MAGEC3: variants seen among roughly 807,000 people sequenced by gnomAD.
MAGEC3 encodes melanoma-associated antigen C3.
In MAGEC3, 34 loss-of-function variants were observed where a neutral mutation model predicts 35.3. The observed-to-expected ratio is 0.96, with a 90% confidence interval of 0.73 to 1.28. MAGEC3 has a LOEUF of 1.28. MAGEC3 is among the 50% of genes most tolerant of loss of function. The pLI, the probability that MAGEC3 is intolerant of heterozygous loss-of-function variation, is 0.00. For missense variants in MAGEC3, 561 were observed against 483.6 expected (o/e 1.16, Z -1.50); for synonymous variants, 202 against 185.6 (o/e 1.09, Z -0.72).
intron 1 of MAGEC3, among the ~76,000 whole-genome samples, chrX:141,850,145 T>G (rs191266988): frequency 1.8e-5 from 2 of 111,210 alleles, no homozygotes; most frequent in African/African-American, 6.5e-5. Context: ...TACCACATGT[T>G]CTCACTTTTA....
chrX:141,896,816 C>T (rs1325519161), intron 6 of MAGEC3, 66 bp from the exon 7 acceptor site: 1 of 1,205,421 alleles, frequency 8.3e-7, no homozygotes, highest in Admixed American at 2.2e-5. Flanking sequence ...CCCTCCTCCT[C>T]TTCCTTGTCC....
At chrX:141,892,866 A>T in intron 4 of MAGEC3, among the ~76,000 whole-genome samples, 1 of 112,093 alleles carries the variant, frequency 8.9e-6, no homozygotes. Flanking sequence ...AAAACTAAAA[A>T]CTTTTGCTCT....
chrX:141,866,687 G>A (rs2017851163), intron 2 of MAGEC3, among the ~76,000 whole-genome samples: 1 of 112,238 alleles, frequency 8.9e-6, no homozygotes, highest in Non-Finnish European at 1.9e-5. Context: ...ACCACTAGGG[G>A]ATTTCATAAG....
At position 141,881,576 on chromosome X, in the gene MAGEC3, G is replaced by C. The variant is rs780534002; in HGVS notation, c.689G>C (p.Arg230Pro). The change falls in exon 4 of 8, where the codon CGT becomes CCT. Residue 230 changes from arginine to proline, a missense_variant. Coordinates refer to ENST00000298296, the MANE Select transcript of MAGEC3 (RefSeq NM_138702.1). Reference sequence around the variant, plus strand: ...TTTCCTATGATCTTCAGGAAAGCCCGTGAGTTCATAGAGATTCTTTTTGGC... The same window carrying C: ...TTTCCTATGATCTTCAGGAAAGCCCCTGAGTTCATAGAGATTCTTTTTGGC... ...GYFPMIFRKA[R>P]EFIEILFGIS... 5 of 1,210,955 alleles carry C rather than the reference G, an allele frequency of 4.1e-6. No homozygotes were observed. Among genetic ancestry groups the C allele is most frequent in the South Asian group, 1.8e-5 (1 of 56,870 alleles).
In MAGEC3 at chrX:141,897,707, T is replaced by G; in HGVS notation, c.1807T>G (p.Trp603Gly). Reference sequence around the variant, plus strand: ...TATCATCCCTAGTGCCTTTCCATCCTGGTACATGGATGCTTTGAAAGATAT... The same window carrying G: ...TATCATCCCTAGTGCCTTTCCATCCGGGTACATGGATGCTTTGAAAGATAT... ...SSIIPSAFPS[W>G]YMDALKDMED... Residue 603 changes from tryptophan (W) to glycine (G), a missense_variant, in exon 8 of 8, where the codon TGG (tryptophan) becomes GGG (glycine). Transcript: ENST00000298296. 8.3e-7 allele frequency: 1 copy of G among 1,211,659 alleles called. No individual in the cohort carries two copies. The highest frequency in any genetic ancestry group is 1.8e-5 in the South Asian group (1 of 56,961).
chrX:141,862,233 A>T (rs2017819445), intron 1 of MAGEC3, among the ~76,000 whole-genome samples: 1 of 111,826 alleles, frequency 8.9e-6, no homozygotes, highest in Non-Finnish European at 1.9e-5. Context: ...CCCCAATGAG[A>T]TATTATCTTA....
Position 141,865,540 on chromosome X carries a change from T to C in MAGEC3, c.193T>C (p.Phe65Leu), listed in dbSNP as rs754130709. The change falls in exon 2 of 8, where the codon TTT becomes CTT. Residue 65 changes from phenylalanine (F) to leucine (L), a missense_variant. Phe to Leu is a conservative substitution (Grantham distance 22). Transcript: ENST00000298296. ...HLGHLREVRL[F>L]LRGGTSDQRM... is the part of the protein sequence containing the mutation. ...TGGGCATCTGAGGGAGGTGAGGCTT[T>C]TTCTGAGGGGTGGAACTTCAGATCA... 140 of 1,205,521 alleles carry C rather than the reference T, an allele frequency of 1.2e-4. No individual in the cohort carries two copies. Among genetic ancestry groups the C allele is most frequent in the Middle Eastern group, 6.9e-4 (3 of 4,339 alleles).
chrX:141,896,982 G>T lies in MAGEC3; in HGVS notation c.1224G>T (p.Pro408=), dbSNP rs1480581331. ...CCAAGATCTCTCCCCAGGGTCCTCC[G>T]CAGAGTCCTCCCCAGAGTCCTCTAG... ...GPPKISPQGP[P]QSPPQSPLDS... is the part of the protein sequence containing the mutation. Residue 408 remains proline, a synonymous_variant, in exon 7 of 8, where the codon CCG becomes CCT. Transcript: ENST00000298296. 2 of 1,203,668 alleles carry T rather than the reference G, an allele frequency of 1.7e-6. No individual in the cohort carries two copies. Among genetic ancestry groups the T allele is most frequent in the Admixed American group, 2.2e-5 (1 of 44,967 alleles).
intron 1 of MAGEC3, among the ~76,000 whole-genome samples, chrX:141,853,778 C>T (rs147557534): frequency 4.4e-4 from 49 of 111,158 alleles, no homozygotes; most frequent in African/African-American, 1.2e-3. Flanking sequence ...AAAGGCAAAG[C>T]GATGAGGAAA....
At chrX:141,892,185 A>G (rs939891037) in intron 4 of MAGEC3, among the ~76,000 whole-genome samples, 1 of 111,683 alleles carries the variant, frequency 9.0e-6, no homozygotes, top group Admixed American at 9.6e-5. Context: ...AGGCTGTGGT[A>G]CATTGCTATG....
At chrX:141,844,958 C>A (rs1052139035) in intron 1 of MAGEC3, among the ~76,000 whole-genome samples, 1 of 110,011 alleles carries the variant, frequency 9.1e-6, no homozygotes, top group African/African-American at 3.3e-5. Context: ...ACGTTTTCAG[C>A]CATTCTAGGA....
At position 141,895,997 on chromosome X, in the gene MAGEC3, A is replaced by G. The variant is rs1475754977; in HGVS notation, c.1123+438A>G. On this transcript the variant is annotated intron_variant, in intron 6 of 7. Coordinates refer to ENST00000298296, the MANE Select transcript of MAGEC3 (RefSeq NM_138702.1). Reference sequence around the variant, plus strand: ...GTGGAGTTTGCCCTGAGTTTTGGCCAGAAGAGTGGTAGGGACATGGCCCTG... The same window carrying G: ...GTGGAGTTTGCCCTGAGTTTTGGCCGGAAGAGTGGTAGGGACATGGCCCTG... 5.4e-5 allele frequency among the ~76,000 whole-genome samples: 6 copies of G among 111,185 alleles called. No individual in the cohort carries two copies. In the Admixed American group the frequency reaches 5.7e-4, roughly 11 times the overall value.
At chrX:141,877,362 G>A (rs1251968187) in intron 2 of MAGEC3, among the ~76,000 whole-genome samples, 3 of 110,965 alleles carry the variant, frequency 2.7e-5, no homozygotes, top group Non-Finnish European at 5.7e-5. Flanking sequence ...TGATATTTTG[G>A]TACTATAGGT....
intron 4 of MAGEC3, among the ~76,000 whole-genome samples, chrX:141,882,159 T>C (rs767697567): frequency 5.7e-4 from 64 of 111,633 alleles, no homozygotes; most frequent in African/African-American, 2.1e-3. Flanking sequence ...TATAGGGCCG[T>C]TTCTTACGTC....
At chrX:141,891,779 T>C (rs2018045056) in intron 4 of MAGEC3, among the ~76,000 whole-genome samples, 1 of 106,682 alleles carries the variant, frequency 9.4e-6, no homozygotes, top group African/African-American at 3.4e-5. Context: ...ACATGAGTAA[T>C]GACATACATG....
intron 1 of MAGEC3, among the ~76,000 whole-genome samples, chrX:141,842,167 TTAAA>T (rs2017690001): frequency 9.0e-6 from 1 of 111,695 alleles, no homozygotes. Context: ...TAAGATAAAC[TTAAA>T]TTATTTGTTA....
chrX:141,854,107 A>ATGGG (rs1279990731), intron 1 of MAGEC3, among the ~76,000 whole-genome samples: 1 of 111,390 alleles, frequency 9.0e-6, no homozygotes, highest in Non-Finnish European at 1.9e-5. Flanking sequence ...GCGATAGATT[A>ATGGG]TGGGTGAATA....
intron 1 of MAGEC3, among the ~76,000 whole-genome samples, chrX:141,854,457 T>A (rs1806633553): frequency 9.0e-6 from 1 of 111,139 alleles, no homozygotes; most frequent in Admixed American, 9.5e-5. Context: ...TCCTACATGT[T>A]GTGGGAGGGA....
chrX:141,854,818 G>C (rs1230152242), intron 1 of MAGEC3, among the ~76,000 whole-genome samples: 1 of 112,029 alleles, frequency 8.9e-6, no homozygotes, highest in Non-Finnish European at 1.9e-5. Context: ...AATTGGGAAA[G>C]AGTTGGTCTC....
Sources: gnomAD v4.1 joint callset for allele counts (sites outside exome capture counted in the v4.1 genomes callset) on GRCh38, gnomAD v4.1.1 for gene constraint, MANE v1.5 for transcripts, NCBI Gene and HGNC (gene_info 2026-07-23, HGNC 2026-07-21) for gene names.